Variants in TNIK observed in about 807,000 individuals in gnomAD.
The protein encoded by TNIK is TRAF2 and NCK-interacting protein kinase.
Under a neutral mutation model 191.3 loss-of-function variants are expected in TNIK, and 49 were observed. That is an observed-to-expected ratio of 0.26 (90% confidence interval 0.20 to 0.32). The LOEUF (loss-of-function observed/expected upper bound fraction) is 0.32. TNIK is among the 10% of genes least tolerant of loss of function. The pLI is 1.00. For missense variants in TNIK, 1,155 were observed against 1,702.3 expected, an observed-to-expected ratio of 0.68 and a Z score of 5.66; for synonymous variants, 594 against 600.9, an observed-to-expected ratio of 0.99 and a Z score of 0.17.
chr3:171,320,294 T>C (rs1005696513), intron 2 of TNIK, among the ~76,000 whole-genome samples: 1 of 152,184 alleles, frequency 6.6e-6, no homozygotes, highest in Non-Finnish European at 1.5e-5. Flanking sequence ...TGTCTTGCCC[T>C]CTGCCTATAA....
intron 2 of TNIK, among the ~76,000 whole-genome samples, chr3:171,238,354 CA>C (rs1326251365): frequency 6.6e-6 from 1 of 150,638 alleles, no homozygotes; most frequent in African/African-American, 2.4e-5. Context: ...TGTATATATA[CA>C]AATATACTAC....
At chr3:171,428,626 A>T (rs1326754585) in intron 1 of TNIK, among the ~76,000 whole-genome samples, 1 of 21,916 alleles carries the variant, frequency 4.6e-5, no homozygotes, top group Non-Finnish European at 1.3e-4. Flanking sequence ...CCCCCACCCC[A>T]TTCCACTACA....
intron 2 of TNIK, among the ~76,000 whole-genome samples, chr3:171,234,749 A>G (rs1744059423): frequency 6.6e-6 from 1 of 152,240 alleles, no homozygotes. Flanking sequence ...TAGTTAATGT[A>G]TGCAGATTCC....
At chr3:171,067,385 T>C (rs61791139) in intron 30 of TNIK, among the ~76,000 whole-genome samples, 14,712 of 152,100 alleles carry the variant, frequency 0.097, 794 homozygotes, top group Middle Eastern at 0.13. Flanking sequence ...AAAAAAATCA[T>C]TATTGCCGCA....
At chr3:171,082,762 T>G (rs1405624500) in intron 26 of TNIK, 1 of 181,908 alleles carries the variant, frequency 5.5e-6, no homozygotes, top group Non-Finnish European at 1.1e-5. Context: ...CTTCTCTTCT[T>G]CCCCAAGATT....
At chr3:171,126,250 G>T in intron 16 of TNIK, 99 bp from the exon 17 acceptor site, 2 of 1,379,882 alleles carry the variant, frequency 1.4e-6, no homozygotes, top group Non-Finnish European at 1.9e-6. Flanking sequence ...AAGTTCAAGG[G>T]CACAAAAATT....
chr3:171,378,862 A>T lies in TNIK; in HGVS notation c.58-9177T>A, dbSNP rs568579479. On this transcript the variant is annotated intron_variant, in intron 1 of 32. Transcript: ENST00000436636. Reference sequence around the variant, plus strand: ...ATTTATCTGAGGTCTTATCCTAGTTAGTGGCAGAGTTAAATGAAGACCTAT... The same window carrying T: ...ATTTATCTGAGGTCTTATCCTAGTTTGTGGCAGAGTTAAATGAAGACCTAT... 3.5e-4 allele frequency among the ~76,000 whole-genome samples: 53 copies of T among 152,334 alleles called. 1 individual carries two copies. The highest frequency in any genetic ancestry group is 6.2e-4 in the South Asian group (3 of 4,832).
At chr3:171,421,762 G>T in intron 1 of TNIK, among the ~76,000 whole-genome samples, 1 of 122,248 alleles carries the variant, frequency 8.2e-6, no homozygotes, top group Non-Finnish European at 1.6e-5. Context: ...GATGAAGTCT[G>T]GCTCTGTCAC....
At chr3:171,433,558 A>C (rs571231222) in intron 1 of TNIK, among the ~76,000 whole-genome samples, 57 of 152,328 alleles carry the variant, frequency 3.7e-4, no homozygotes, top group Middle Eastern at 6.8e-3. Flanking sequence ...CAAATATTGC[A>C]TCACAGACAC....
intron 16 of TNIK, among the ~76,000 whole-genome samples, chr3:171,127,388 A>G (rs1728627049): frequency 6.6e-6 from 1 of 152,032 alleles, no homozygotes; most frequent in Non-Finnish European, 1.5e-5. Flanking sequence ...ATTTAAAAAA[A>G]TATCTAGTAT....
Position 171,082,381 on chromosome 3 carries a change from C to G in TNIK, c.3183G>C (p.Leu1061=). 1 of 1,613,878 alleles carries G rather than the reference C, an allele frequency of 6.2e-7. No individual in the cohort carries two copies. The highest frequency in any genetic ancestry group is 8.5e-7 in the Non-Finnish European group (1 of 1,179,800). The part of the protein sequence containing the change: ...LCAALWGVNL[L]VGTENGLMLL... ...GCATCAGGCCATTTTCAGTCCCCAC[C>G]AGAAGGTTTACACCTGTAAATTTAA... The change falls in exon 27 of 33, where the codon CTG becomes CTC. Residue 1061 remains leucine, a synonymous_variant. Coordinates refer to ENST00000436636, the MANE Select transcript of TNIK (RefSeq NM_015028.4).
intron 2 of TNIK, among the ~76,000 whole-genome samples, chr3:171,247,386 T>C (rs539864588): frequency 2.2e-4 from 33 of 152,274 alleles, no homozygotes; most frequent in Middle Eastern, 3.4e-3. Context: ...TTTTGGAGAA[T>C]TGAAAGAGAA....
At chr3:171,278,174 G>A (rs188116557) in intron 2 of TNIK, among the ~76,000 whole-genome samples, 147 of 152,268 alleles carry the variant, frequency 9.7e-4, no homozygotes, top group Non-Finnish European at 1.6e-3. Context: ...GGGATTTGTG[G>A]GCCCCAGTTG....
chr3:171,307,974 C>T (rs190183892), intron 2 of TNIK, among the ~76,000 whole-genome samples: 7 of 152,144 alleles, frequency 4.6e-5, no homozygotes, highest in East Asian at 1.9e-4. Context: ...CTGGAAGAAT[C>T]GATATTGTTA....
intron 16 of TNIK, among the ~76,000 whole-genome samples, chr3:171,126,761 T>C (rs1728535149): frequency 6.6e-6 from 1 of 152,246 alleles, no homozygotes; most frequent in African/African-American, 2.4e-5. Flanking sequence ...TACTTTCTCC[T>C]GTGCTGGCTC....
chr3:171,104,588 G>T (rs1379392977), intron 21 of TNIK, among the ~76,000 whole-genome samples: 2 of 150,882 alleles, frequency 1.3e-5, no homozygotes, highest in Non-Finnish European at 3.0e-5. Context: ...TTCAACAAAG[G>T]TTAACTATTA....
intron 1 of TNIK, among the ~76,000 whole-genome samples, chr3:171,430,646 A>AC (rs904097277): frequency 9.2e-6 from 1 of 109,006 alleles, no homozygotes; most frequent in African/African-American, 3.6e-5. Context: ...CAAAAAACAG[A>AC]CAAAAAAAAA....
At chr3:171,163,606 T>A (rs1027923854) in intron 10 of TNIK, among the ~76,000 whole-genome samples, 1 of 152,180 alleles carries the variant, frequency 6.6e-6, no homozygotes, top group Non-Finnish European at 1.5e-5. Flanking sequence ...AGAACCTGCA[T>A]AAAGCATTTT....
intron 5 of TNIK, among the ~76,000 whole-genome samples, chr3:171,194,224 G>C (rs943317784): frequency 9.2e-5 from 14 of 151,952 alleles, no homozygotes; most frequent in African/African-American, 3.4e-4. Context: ...TCTAAAATCA[G>C]GTTTCTAATT....
Sources: gnomAD v4.1 joint callset for allele counts (sites outside exome capture counted in the v4.1 genomes callset) on GRCh38, gnomAD v4.1.1 for gene constraint, MANE v1.5 for transcripts, NCBI Gene and HGNC (gene_info 2026-07-23, HGNC 2026-07-21) for gene names.